MGAT5: variants seen among roughly 807,000 people sequenced by gnomAD.
The protein encoded by MGAT5 is alpha-1,6-mannosylglycoprotein 6-beta-N-acetylglucosaminyltransferase A.
Under a neutral mutation model 94.3 loss-of-function variants are expected in MGAT5, and 30 were observed. The observed-to-expected ratio is 0.32, with a 90% confidence interval of 0.24 to 0.43. The LOEUF is 0.43. Among genes scored for constraint, MGAT5 ranks in the 20% least tolerant of loss-of-function variants. The pLI, the probability that MGAT5 is intolerant of heterozygous loss-of-function variation, is 1.00. For missense variants in MGAT5, 691 were observed against 905.5 expected (o/e 0.76, Z 3.04); for synonymous variants, 310 against 322.9 (o/e 0.96, Z 0.43).
intron 2 of MGAT5, among the ~76,000 whole-genome samples, chr2:134,275,497 C>A (rs1684301245): frequency 6.6e-6 from 1 of 150,846 alleles, no homozygotes; most frequent in African/African-American, 2.4e-5. Flanking sequence ...TGATTAACAG[C>A]TGTGGGCGAT....
intron 1 of MGAT5, among the ~76,000 whole-genome samples, chr2:134,172,383 T>C (rs577107439): frequency 4.1e-4 from 60 of 146,928 alleles, no homozygotes; most frequent in African/African-American, 1.3e-3. Context: ...ACTCCCTTTT[T>C]TTTTTTTAAT....
At chr2:134,143,918 T>TG (rs1295825052) in intron 1 of MGAT5, among the ~76,000 whole-genome samples, 2 of 151,852 alleles carry the variant, frequency 1.3e-5, no homozygotes, top group Non-Finnish European at 2.9e-5. Context: ...GATAGGGATG[T>TG]GGGGGAGAAG....
At chr2:134,196,496 A>G (rs989911606) in intron 1 of MGAT5, among the ~76,000 whole-genome samples, 3 of 152,232 alleles carry the variant, frequency 2.0e-5, no homozygotes, top group Non-Finnish European at 2.9e-5. Context: ...TTCATTTTCA[A>G]AGCAAAGTGA....
intron 2 of MGAT5, among the ~76,000 whole-genome samples, chr2:134,275,695 G>A (rs187354084): frequency 1.4e-5 from 2 of 141,370 alleles, no homozygotes; most frequent in East Asian, 2.3e-4. Context: ...ACCCCCTGCC[G>A]CCTCAGCCTT....
At chr2:134,396,916 G>T (rs923336319) in intron 10 of MGAT5, among the ~76,000 whole-genome samples, 15 of 152,232 alleles carry the variant, frequency 9.9e-5, no homozygotes, top group African/African-American at 3.4e-4. Flanking sequence ...CTGCCTGCTT[G>T]TAAAGGAGGA....
intron 10 of MGAT5, among the ~76,000 whole-genome samples, chr2:134,379,413 G>A (rs1238587616): frequency 6.6e-6 from 1 of 152,174 alleles, no homozygotes; most frequent in Non-Finnish European, 1.5e-5. Context: ...TAGACACAGA[G>A]GTCTTAGTGT....
At chr2:134,370,468 G>T (rs1176047834) in intron 10 of MGAT5, among the ~76,000 whole-genome samples, 2 of 152,230 alleles carry the variant, frequency 1.3e-5, no homozygotes, top group African/African-American at 4.8e-5. Flanking sequence ...ATAGCCATTT[G>T]TTCTGGTTCC....
chr2:134,311,645 C>T (rs1686671418), intron 2 of MGAT5, among the ~76,000 whole-genome samples: 1 of 152,118 alleles, frequency 6.6e-6, no homozygotes, highest in Admixed American at 6.6e-5. Context: ...TAAGCATTGG[C>T]AGAAGTGAGA....
intron 10 of MGAT5, among the ~76,000 whole-genome samples, chr2:134,397,598 C>T (rs1407656606): frequency 6.6e-6 from 1 of 152,150 alleles, no homozygotes; most frequent in Non-Finnish European, 1.5e-5. Context: ...TATAATTCTG[C>T]GATGCTATTT....
At chr2:134,269,338 C>A (rs551734431) in intron 1 of MGAT5, among the ~76,000 whole-genome samples, 1 of 152,110 alleles carries the variant, frequency 6.6e-6, no homozygotes, top group Non-Finnish European at 1.5e-5. Context: ...TGCTCAGGGA[C>A]AAGTTTGCTC....
intron 4 of MGAT5, among the ~76,000 whole-genome samples, chr2:134,327,430 G>T (rs1248135231): frequency 2.6e-5 from 4 of 152,040 alleles, no homozygotes; most frequent in African/African-American, 9.7e-5. Context: ...CAAAATGAGG[G>T]TTTATTGAAC....
chr2:134,404,518 G>T (rs1683229400), intron 11 of MGAT5, among the ~76,000 whole-genome samples: 1 of 152,160 alleles, frequency 6.6e-6, no homozygotes, highest in Non-Finnish European at 1.5e-5. Context: ...CCTAACTCAT[G>T]ATTTTTTTAA....
chr2:134,399,763 A>G (rs540314459), intron 10 of MGAT5, among the ~76,000 whole-genome samples: 3 of 152,286 alleles, frequency 2.0e-5, no homozygotes, highest in African/African-American at 7.2e-5. Context: ...TTCTTAGATC[A>G]GTGGGACATA....
chr2:134,122,762 G>A (rs1281179511), intron 1 of MGAT5, among the ~76,000 whole-genome samples: 1 of 152,234 alleles, frequency 6.6e-6, no homozygotes, highest in East Asian at 1.9e-4. Flanking sequence ...AAAGGAATCT[G>A]CAGTCCTGGT....
intron 9 of MGAT5, among the ~76,000 whole-genome samples, chr2:134,358,201 T>C (rs999519072): frequency 6.6e-6 from 1 of 151,818 alleles, no homozygotes; most frequent in Non-Finnish European, 1.5e-5. Context: ...TTTTTTTTTT[T>C]TGGATGCATA....
intron 1 of MGAT5, among the ~76,000 whole-genome samples, chr2:134,203,377 G>C (rs1309242861): frequency 1.3e-5 from 2 of 152,164 alleles, no homozygotes; most frequent in East Asian, 3.8e-4. Flanking sequence ...CAGTTAGTGG[G>C]TCCAAGGATA....
intron 1 of MGAT5, among the ~76,000 whole-genome samples, chr2:134,147,559 A>AT (rs912800768): frequency 2.7e-5 from 4 of 149,716 alleles, no homozygotes; most frequent in African/African-American, 1.0e-4. Context: ...GGAAATGTAC[A>AT]TTTTTTTGTA....
intron 1 of MGAT5, among the ~76,000 whole-genome samples, chr2:134,138,219 T>TA (rs1686507702): frequency 6.6e-6 from 1 of 151,470 alleles, no homozygotes; most frequent in South Asian, 2.1e-4. Context: ...ATTGCCCTTT[T>TA]TTTTTTGGCT....
intron 10 of MGAT5, among the ~76,000 whole-genome samples, chr2:134,389,682 A>T (rs1473812951): frequency 1.3e-5 from 2 of 152,200 alleles, no homozygotes; most frequent in African/African-American, 4.8e-5. Flanking sequence ...ATCAAAACTA[A>T]TACAGGTTAT....
Sources: allele counts gnomAD v4.1 joint callset (sites outside exome capture counted in the v4.1 genomes callset), GRCh38; gene constraint gnomAD v4.1.1; transcripts MANE v1.5; gene names NCBI Gene and HGNC (gene_info 2026-07-23, HGNC 2026-07-21).